BTBD9: variants seen among roughly 807,000 people sequenced by gnomAD.
The protein encoded by BTBD9 is BTB domain containing 9.
In BTBD9, 49 loss-of-function variants were observed where a neutral mutation model predicts 64.3. The ratio of observed to expected loss-of-function variants is 0.76; its 90% CI spans 0.61 to 0.97. BTBD9 has a LOEUF of 0.97. Ranked by LOEUF, BTBD9 falls within the 50% of genes least tolerant of loss-of-function variation. The probability of loss-of-function intolerance (pLI) is 0.00; values close to 1 mark genes in which losing one functional copy is unlikely to be tolerated. For synonymous variants in BTBD9, 260 were observed against 274.7 expected, an observed-to-expected ratio of 0.95 and a Z score of 0.53; for missense variants, 598 against 762.1, an observed-to-expected ratio of 0.78 and a Z score of 2.53.
chr6:38,432,707 G>A (rs1338801175), intron 6 of BTBD9, among the ~76,000 whole-genome samples: 1 of 151,862 alleles, frequency 6.6e-6, no homozygotes, highest in African/African-American at 2.4e-5. Flanking sequence ...AACAGGTCCT[G>A]TGGCACACAC....
At chr6:38,593,733 C>T (rs918838987) in intron 3 of BTBD9, among the ~76,000 whole-genome samples, 8 of 152,170 alleles carry the variant, frequency 5.3e-5, no homozygotes, top group African/African-American at 1.9e-4. Context: ...GTCTCTTTTG[C>T]ACATAAAACT....
intron 6 of BTBD9, among the ~76,000 whole-genome samples, chr6:38,399,816 G>A (rs924707765): frequency 3.2e-4 from 48 of 151,892 alleles, no homozygotes; most frequent in African/African-American, 1.1e-3. Flanking sequence ...CAACGGCGCA[G>A]TCTCAGCTCA....
rs1777001432 is a variant in BTBD9, at chr6:38,595,682, C to T, written c.186-1355G>A. 3 of 757,630 alleles carry T rather than the reference C, an allele frequency of 4.0e-6. No individual in the cohort carries two copies. In the Admixed American group the frequency reaches 1.9e-4, roughly 47 times the overall value. The allele number at this position is 757,630 out of a possible 1,614,324, so 46.9% of individuals were successfully genotyped here. A position where few individuals can be genotyped will look rare whatever the true frequency, so the allele number is the denominator to read the frequency against. On this transcript the variant is annotated intron_variant, in intron 2 of 10. Transcript: ENST00000481247. ...AGGTTTACCTACCTGGAACTTGTCC[C>T]ACCCTCCCCCAGGACCTAGCATTCT...
At chr6:38,299,984 A>G (rs1377515241) in intron 7 of BTBD9, among the ~76,000 whole-genome samples, 4 of 151,940 alleles carry the variant, frequency 2.6e-5, no homozygotes, top group South Asian at 2.1e-4. Context: ...GGTTTTTATG[A>G]TTTTAGGTCT....
intron 2 of BTBD9, 170 bp from the exon 3 acceptor site, chr6:38,594,497 G>T: frequency 1.3e-6 from 1 of 750,564 alleles, no homozygotes; most frequent in Non-Finnish European, 2.0e-6. Context: ...CAGGACACAA[G>T]AGGAATGATT....
chr6:38,238,910 A>G (rs749061042), intron 9 of BTBD9, among the ~76,000 whole-genome samples: 6 of 152,178 alleles, frequency 3.9e-5, no homozygotes, highest in Non-Finnish European at 7.3e-5. Context: ...CTAAAAGGGA[A>G]GAGGGTATAA....
chr6:38,415,859 A>T (rs1484634831), intron 6 of BTBD9, among the ~76,000 whole-genome samples: 1 of 87,336 alleles, frequency 1.1e-5, no homozygotes, highest in African/African-American at 3.2e-5. Flanking sequence ...TGCAGTCCTT[A>T]AAAAAAAAAA....
At chr6:38,218,380 T>C (rs932648870) in intron 9 of BTBD9, among the ~76,000 whole-genome samples, 1 of 152,218 alleles carries the variant, frequency 6.6e-6, no homozygotes, top group Admixed American at 6.5e-5. Context: ...TAAGTTCCTG[T>C]TGTAACCTTT....
At chr6:38,313,204 A>G (rs1410232833) in intron 7 of BTBD9, among the ~76,000 whole-genome samples, 1 of 152,186 alleles carries the variant, frequency 6.6e-6, no homozygotes, top group East Asian at 1.9e-4. Flanking sequence ...ATTGTTTGCC[A>G]TAAGCATATA....
intron 9 of BTBD9, among the ~76,000 whole-genome samples, chr6:38,248,119 C>T (rs866782608): frequency 6.6e-6 from 1 of 152,054 alleles, no homozygotes; most frequent in South Asian, 2.1e-4. Context: ...TATGATAACA[C>T]TTCTATAATT....
rs546224745 is a variant in BTBD9 at position 38,497,670 on chromosome 6, A to C, written c.1154+79930T>G. 2.0e-5 allele frequency among the ~76,000 whole-genome samples: 3 copies of C among 152,352 alleles called. No homozygotes were observed. In the East Asian group the frequency reaches 5.8e-4, roughly 29 times the overall value. On this transcript the variant is annotated intron_variant, in intron 6 of 10. Transcript: ENST00000481247. ...GAGAAGAATAAAGTATTCAGCAAGAAGGAACTGATGTCAAAAAGGATGACT... is the reference window on the plus strand; with the variant it reads ...GAGAAGAATAAAGTATTCAGCAAGACGGAACTGATGTCAAAAAGGATGACT...
intron 6 of BTBD9, among the ~76,000 whole-genome samples, chr6:38,461,519 T>A (rs1770085200): frequency 6.6e-6 from 1 of 152,250 alleles, no homozygotes; most frequent in Non-Finnish European, 1.5e-5. Flanking sequence ...TATCATTTAG[T>A]ATTTTATTGT....
intron 6 of BTBD9, among the ~76,000 whole-genome samples, chr6:38,393,528 C>T (rs181712552): frequency 6.6e-5 from 10 of 151,990 alleles, no homozygotes; most frequent in East Asian, 1.9e-4. Context: ...AAAAAATCTA[C>T]GAAAAACTTC....
chr6:38,631,344 G>C (rs1778355126), intron 1 of BTBD9, among the ~76,000 whole-genome samples: 1 of 152,166 alleles, frequency 6.6e-6, no homozygotes, highest in Admixed American at 6.5e-5. Context: ...AAAAAGGATT[G>C]ATGGTTGTTT....
At chr6:38,535,684 G>A (rs1402502005) in intron 6 of BTBD9, among the ~76,000 whole-genome samples, 1 of 152,034 alleles carries the variant, frequency 6.6e-6, no homozygotes, top group African/African-American at 2.4e-5. Context: ...GAACAGAATT[G>A]AGAATCCAGA....
intron 1 of BTBD9, among the ~76,000 whole-genome samples, chr6:38,607,606 A>G (rs1777473839): frequency 6.7e-6 from 1 of 150,140 alleles, no homozygotes; most frequent in African/African-American, 2.4e-5. Flanking sequence ...CTATTTGCCA[A>G]TATGTTTTGG....
intron 9 of BTBD9, among the ~76,000 whole-genome samples, chr6:38,230,276 C>G (rs975358082): frequency 6.6e-6 from 1 of 151,970 alleles, no homozygotes; most frequent in Non-Finnish European, 1.5e-5. Flanking sequence ...AGACAGATCA[C>G]CTGAGGTCAG....
chr6:38,403,976 C>G (rs1351188116), intron 6 of BTBD9, among the ~76,000 whole-genome samples: 2 of 152,120 alleles, frequency 1.3e-5, no homozygotes, highest in African/African-American at 4.8e-5. Flanking sequence ...AGAAGCCAGA[C>G]ACAAAAGGCC....
In BTBD9 at chr6:38,580,237, A is replaced by G. The variant is rs755004430; in HGVS notation, c.1015T>C (p.Leu339=). Residue 339 remains leucine (L), a synonymous_variant, in exon 5 of 11, where the codon TTG becomes CTG. Coordinates refer to ENST00000481247, the MANE Select transcript of BTBD9 (RefSeq NM_001099272.2). ...PSIINHIRIL[L]WDRDSRSYSY... ...ACTTACCGGCTATCTCGGTCCCACA[A>G]GAGTATCCGTATGTGATTGATAATG... 6.2e-6 allele frequency: 10 copies of G among 1,613,894 alleles called. No homozygotes were observed. Among genetic ancestry groups the G allele is most frequent in the Middle Eastern group, 1.6e-4 (1 of 6,084 alleles).
Sources: gnomAD v4.1 joint callset for allele counts (sites outside exome capture counted in the v4.1 genomes callset) on GRCh38, gnomAD v4.1.1 for gene constraint, MANE v1.5 for transcripts, NCBI Gene and HGNC (gene_info 2026-07-23, HGNC 2026-07-21) for gene names.